The following SLCO3A1 variants were observed in gnomAD, a reference collection of about 807,000 sequenced individuals.
The protein encoded by SLCO3A1 is solute carrier organic anion transporter family member 3A1, also known as PGE1 transporter.
A neutral mutation model predicts 63.1 loss-of-function variants in SLCO3A1; 27 were observed. The ratio of observed to expected loss-of-function variants is 0.43; its 90% CI spans 0.32 to 0.59. The LOEUF (loss-of-function observed/expected upper bound fraction) is 0.59, where lower values mean the gene tolerates loss of function less well. SLCO3A1 is among the 20% of genes least tolerant of loss of function. The pLI is 0.09. For missense variants in SLCO3A1, 773 were observed against 945.8 expected, an observed-to-expected ratio of 0.82 and a Z score of 2.40; for synonymous variants, 473 against 409.9, an observed-to-expected ratio of 1.15 and a Z score of -1.86.
Position 91,915,977 on chromosome 15 carries a change from T to C in SLCO3A1, c.181-16T>C. 1 of 1,603,130 alleles carries C rather than the reference T, an allele frequency of 6.2e-7. No homozygotes were observed. The highest frequency in any genetic ancestry group is 8.5e-7 in the Non-Finnish European group (1 of 1,173,706). ...CTTCTTGGATTGGCTCTGACCTTTC[T>C]TCTTGCCCCCCTCAGGTGAGCGTCC... is the stretch of plus-strand genomic sequence containing the variant. On this transcript the variant is annotated splice_polypyrimidine_tract_variant and intron_variant, in intron 1 of 9. Coordinates refer to ENST00000318445, the MANE Select transcript of SLCO3A1 (RefSeq NM_013272.4).
At chr15:91,924,040 C>T (rs148906899) in intron 2 of SLCO3A1, among the ~76,000 whole-genome samples, 133 of 152,290 alleles carry the variant, frequency 8.7e-4, no homozygotes, top group Non-Finnish European at 1.5e-3. Context: ...CCTGGCCCTG[C>T]GGTGACTTTT....
At chr15:92,016,826 G>A (rs4984324) in intron 2 of SLCO3A1, among the ~76,000 whole-genome samples, 20,888 of 152,044 alleles carry the variant, frequency 0.14, 1,755 homozygotes, top group East Asian at 0.42. Flanking sequence ...GATGAACTTC[G>A]GGCCTGTGGA....
Position 91,875,081 on chromosome 15 carries a change from T to C in SLCO3A1, c.180+20993T>C, listed in dbSNP as rs1897368045. 6.6e-6 allele frequency among the ~76,000 whole-genome samples: 1 copy of C among 152,238 alleles called. No homozygotes were observed. Among genetic ancestry groups the C allele is most frequent in the Non-Finnish European group, 1.5e-5 (1 of 68,048 alleles). On this transcript the variant is annotated intron_variant, in intron 1 of 9. Coordinates refer to ENST00000318445, the MANE Select transcript of SLCO3A1 (RefSeq NM_013272.4). This position sits in a 1 kb window ranked among gnomAD's most constrained non-coding sequence, Gnocchi z 4.5. ...GAAACAGACATTTGCCGCCTTGAAG[T>C]TGGCAGACAGTCTGTGTTGGTGCCC...
intron 1 of SLCO3A1, among the ~76,000 whole-genome samples, chr15:91,891,793 G>C (rs11854101): frequency 6.6e-6 from 1 of 152,114 alleles, no homozygotes; most frequent in African/African-American, 2.4e-5. Flanking sequence ...CTGCATCAGG[G>C]TTTGGGAAAC....
intron 2 of SLCO3A1, among the ~76,000 whole-genome samples, chr15:92,087,513 ATTAT>A (rs1273236929): frequency 6.1e-4 from 83 of 136,550 alleles, no homozygotes; most frequent in African/African-American, 2.4e-3. Context: ...TTTATTATCT[ATTAT>A]TTTTTTTTTT....
intron 2 of SLCO3A1, among the ~76,000 whole-genome samples, chr15:91,926,374 G>A (rs1249026995): frequency 6.6e-6 from 1 of 152,220 alleles, no homozygotes; most frequent in African/African-American, 2.4e-5. Flanking sequence ...AGCATGCTCA[G>A]TTTATTCAAT....
chr15:91,919,924 CTCTT>C (rs757179947), intron 2 of SLCO3A1, among the ~76,000 whole-genome samples: 25 of 152,292 alleles, frequency 1.6e-4, no homozygotes, highest in Non-Finnish European at 3.4e-4. Flanking sequence ...ATTCTATTCT[CTCTT>C]CTGCATTAGC....
intron 7 of SLCO3A1, among the ~76,000 whole-genome samples, chr15:92,143,114 G>A (rs925897352): frequency 6.6e-6 from 1 of 150,928 alleles, no homozygotes; most frequent in African/African-American, 2.4e-5. Context: ...GGAATTGAGG[G>A]ATTCCTGGGG....
chr15:92,119,983 G>A (rs948882409), intron 4 of SLCO3A1, among the ~76,000 whole-genome samples: 1 of 151,594 alleles, frequency 6.6e-6, no homozygotes, highest in Non-Finnish European at 1.5e-5. Context: ...AAACTGTTAA[G>A]TATATTTTCT....
At chr15:91,972,949 C>T (rs1900937125) in intron 2 of SLCO3A1, among the ~76,000 whole-genome samples, 2 of 152,132 alleles carry the variant, frequency 1.3e-5, no homozygotes, top group Non-Finnish European at 2.9e-5. Flanking sequence ...AGTGAAGCCC[C>T]GTCTCTACTA....
chr15:91,915,115 C>G (rs1321140466), intron 1 of SLCO3A1, among the ~76,000 whole-genome samples: 1 of 152,136 alleles, frequency 6.6e-6, no homozygotes, highest in Non-Finnish European at 1.5e-5. Flanking sequence ...TCATGGCCCC[C>G]TTGGTGTGAG....
chr15:91,914,210 G>C (rs1159538062), intron 1 of SLCO3A1, among the ~76,000 whole-genome samples: 1 of 152,170 alleles, frequency 6.6e-6, no homozygotes, highest in Non-Finnish European at 1.5e-5. Context: ...ATGGACCCAG[G>C]TGGTCTGGCC....
At chr15:91,867,283 A>G (rs528809747) in intron 1 of SLCO3A1, among the ~76,000 whole-genome samples, 10 of 152,202 alleles carry the variant, frequency 6.6e-5, no homozygotes, top group Non-Finnish European at 1.2e-4. Flanking sequence ...AGAAGCAAGC[A>G]CAGCTTCCTC....
chr15:92,095,079 A>T (rs1183030611), intron 3 of SLCO3A1, 100 bp downstream of exon 3: 1 of 811,188 alleles, frequency 1.2e-6, no homozygotes, highest in Non-Finnish European at 2.1e-6. Context: ...TTGCTAAGAG[A>T]CAGTCTTGAT....
At chr15:91,987,701 G>A (rs1056829356) in intron 2 of SLCO3A1, among the ~76,000 whole-genome samples, 7 of 149,502 alleles carry the variant, frequency 4.7e-5, no homozygotes, top group Admixed American at 1.3e-4. Flanking sequence ...CTGAGATGGC[G>A]CCACTGCACT....
intron 7 of SLCO3A1, among the ~76,000 whole-genome samples, chr15:92,145,726 C>T (rs1003256637): frequency 1.6e-4 from 25 of 152,186 alleles, no homozygotes; most frequent in African/African-American, 6.0e-4. Flanking sequence ...CTGGGAATTA[C>T]AATAAATGCC....
intron 3 of SLCO3A1, among the ~76,000 whole-genome samples, chr15:92,102,295 T>A (rs967962932): frequency 3.9e-5 from 6 of 152,238 alleles, no homozygotes; most frequent in Non-Finnish European, 7.3e-5. Flanking sequence ...TAAAGATGCT[T>A]TCAAGATCAC....
chr15:92,149,486 A>G (rs1323102008), intron 8 of SLCO3A1: 2 of 152,338 alleles, frequency 1.3e-5, no homozygotes, highest in African/African-American at 4.8e-5. Flanking sequence ...TCCCAACAAC[A>G]GTGCTCAGAA....
At chr15:92,125,823 C>T (rs771790975) in intron 5 of SLCO3A1, among the ~76,000 whole-genome samples, 9 of 151,910 alleles carry the variant, frequency 5.9e-5, no homozygotes, top group South Asian at 4.2e-4. Flanking sequence ...AGGACAGGTG[C>T]GTGCACTTAG....
Sources: allele counts gnomAD v4.1 joint callset (sites outside exome capture counted in the v4.1 genomes callset), GRCh38; gene constraint gnomAD v4.1.1; non-coding constraint Gnocchi (gnomAD v3.1); transcripts MANE v1.5; gene names NCBI Gene and HGNC (gene_info 2026-07-23, HGNC 2026-07-21).